The following TMX2 variants were observed in gnomAD, a reference collection of about 807,000 sequenced individuals.
TMX2 encodes the protein thioredoxin related transmembrane protein 2.
TMX2 carries 20 observed loss-of-function variants against 33.4 expected under a neutral mutation model. The observed-to-expected ratio is 0.60, with a 90% CI of 0.42 to 0.87. The LOEUF is 0.87. Among genes scored for constraint, TMX2 ranks in the 40% least tolerant of loss-of-function variants. The pLI, the probability that TMX2 is intolerant of heterozygous loss-of-function variation, is 0.00. For synonymous variants in TMX2, 166 were observed against 140.7 expected (o/e 1.18, Z -1.27); for missense variants, 340 against 370.7 (o/e 0.92, Z 0.68).
chr11:57,721,344 AGT>A (rs1491206360), intron 1 of TMX2, among the ~76,000 whole-genome samples: 3 of 133,252 alleles, frequency 2.3e-5, no homozygotes, highest in Non-Finnish European at 3.1e-5. Context: ...AAATAAATAA[AGT>A]TTTTTTTTTT....
chr11:57,733,502 C>T (rs1316209164), intron 1 of TMX2, among the ~76,000 whole-genome samples: 1 of 151,892 alleles, frequency 6.6e-6, no homozygotes, highest in Non-Finnish European at 1.5e-5. Context: ...GGTGATCCAC[C>T]CGCCTCGGCC....
chr11:57,735,334 G>A (rs1380218135), intron 1 of TMX2, among the ~76,000 whole-genome samples: 1 of 151,648 alleles, frequency 6.6e-6, no homozygotes, highest in Non-Finnish European at 1.5e-5. Flanking sequence ...TCAGCCTCCT[G>A]AGTAGCTTTG....
intron 1 of TMX2, among the ~76,000 whole-genome samples, chr11:57,735,211 C>A (rs1320046367): frequency 6.6e-6 from 1 of 151,630 alleles, no homozygotes; most frequent in South Asian, 2.1e-4. Context: ...CCCCTATTTT[C>A]TTTTCTTTTT....
chr11:57,737,516 C>G (rs137980850), intron 1 of TMX2, 92 bp from the exon 2 acceptor site: 60 of 1,023,734 alleles, frequency 5.9e-5, no homozygotes, highest in Non-Finnish European at 9.1e-5. Context: ...GTTTGGATCG[C>G]TATTGGTTTT....
intron 1 of TMX2, among the ~76,000 whole-genome samples, chr11:57,717,741 G>A (rs1947264724): frequency 8.9e-6 from 1 of 112,992 alleles, no homozygotes; most frequent in South Asian, 2.8e-4. Flanking sequence ...AGGGGAGAGG[G>A]GAGAGGGGAG....
At chr11:57,721,185 C>A (rs1947604452) in intron 1 of TMX2, among the ~76,000 whole-genome samples, 1 of 152,050 alleles carries the variant, frequency 6.6e-6, no homozygotes, top group Non-Finnish European at 1.5e-5. Context: ...GCCTGCAATC[C>A]CAGCTACCTG....
intron 1 of TMX2, among the ~76,000 whole-genome samples, chr11:57,716,702 C>T (rs1214552581): frequency 1.5e-4 from 22 of 146,272 alleles, no homozygotes; most frequent in Non-Finnish European, 3.0e-4. Context: ...GGCGGCAGGC[C>T]GGGTGGGGGG....
At chr11:57,721,417 C>G (rs555998975) in intron 1 of TMX2, among the ~76,000 whole-genome samples, 2 of 144,178 alleles carry the variant, frequency 1.4e-5, no homozygotes, top group African/African-American at 5.2e-5. Flanking sequence ...GGCTCAGTCT[C>G]GGCTCACCAC....
chr11:57,719,409 C>T (rs1373633343), intron 1 of TMX2, among the ~76,000 whole-genome samples: 2 of 151,310 alleles, frequency 1.3e-5, no homozygotes, highest in Admixed American at 1.3e-4. Context: ...TTTCAGTTCA[C>T]TGAAACCCCC....
intron 1 of TMX2, among the ~76,000 whole-genome samples, chr11:57,735,185 C>T (rs763909808): frequency 6.6e-6 from 1 of 151,858 alleles, no homozygotes; most frequent in Admixed American, 6.6e-5. Flanking sequence ...TTTACAAAGT[C>T]TGTCATGCTC....
At chr11:57,713,335 A>G (rs1329638719) in intron 1 of TMX2, among the ~76,000 whole-genome samples, 2 of 152,214 alleles carry the variant, frequency 1.3e-5, no homozygotes, top group African/African-American at 2.4e-5. Flanking sequence ...TCTTAATTCA[A>G]TAAACATTTC....
At chr11:57,721,100 G>A (rs188502974) in intron 1 of TMX2, among the ~76,000 whole-genome samples, 1 of 151,002 alleles carries the variant, frequency 6.6e-6, no homozygotes, top group Non-Finnish European at 1.5e-5. Flanking sequence ...TCAGGAGTTC[G>A]AGACCAGCCT....
At chr11:57,735,272 G>T (rs958420027) in intron 1 of TMX2, among the ~76,000 whole-genome samples, 1 of 149,892 alleles carries the variant, frequency 6.7e-6, no homozygotes, top group Admixed American at 6.7e-5. Context: ...GCAGTGGCAC[G>T]ATCTCGGCTC....
chr11:57,724,480 C>A (rs1368208223), intron 1 of TMX2, among the ~76,000 whole-genome samples: 1 of 152,046 alleles, frequency 6.6e-6, no homozygotes, highest in Non-Finnish European at 1.5e-5. Flanking sequence ...TACATGGGTG[C>A]CCTCCTACAG....
intron 7 of TMX2, 101 bp from the exon 8 acceptor site, chr11:57,739,998 C>T: frequency 6.5e-7 from 1 of 1,548,692 alleles, no homozygotes; most frequent in Non-Finnish European, 8.8e-7. Context: ...CCTTTGCTTA[C>T]TCCTTCCTTT....
intron 1 of TMX2, among the ~76,000 whole-genome samples, chr11:57,725,842 T>C (rs984624720): frequency 2.6e-5 from 4 of 152,176 alleles, no homozygotes; most frequent in African/African-American, 7.2e-5. Flanking sequence ...TAAACTATTA[T>C]GTGTTACTTC....
chr11:57,718,522 G>T, intron 1 of TMX2: 1 of 747,284 alleles, frequency 1.3e-6, no homozygotes, highest in Non-Finnish European at 2.4e-6. Context: ...AGAACACGGG[G>T]TTGACCATGG....
chr11:57,730,102 T>G (rs1948263871), intron 1 of TMX2, among the ~76,000 whole-genome samples: 1 of 142,336 alleles, frequency 7.0e-6, no homozygotes, highest in Non-Finnish European at 1.5e-5. Context: ...AGACTCCGTT[T>G]CCCCCCACAA....
At position 57,740,149 on chromosome 11, in the gene TMX2, G is replaced by T; in HGVS notation, c.795G>T (p.Lys265Asn). The T allele has an allele frequency of 6.2e-7, 1 of 1,613,988 alleles. No homozygotes were observed. The highest frequency in any genetic ancestry group is 2.2e-5 in the East Asian group (1 of 44,886). Reference sequence around the variant, plus strand: ...TAAATGAGCTATACCAGCGGGCCAAGAAACTATCAAAGGCTGGAGACAATA... The same window carrying T: ...TAAATGAGCTATACCAGCGGGCCAATAAACTATCAAAGGCTGGAGACAATA... ...FNLNELYQRAKKLSKAGDNIP... is the reference protein window; with the variant it reads ...FNLNELYQRANKLSKAGDNIP... Residue 265 changes from lysine (K) to asparagine (N), a missense_variant, in exon 8 of 8, where the codon AAG becomes AAT. Around this residue, in one of 3 missense-constraint regions of TMX2, gnomAD observed 209 missense variants for 241.6 expected, o/e 0.87. Coordinates refer to ENST00000278422, the MANE Select transcript of TMX2 (RefSeq NM_015959.4).
Sources: gnomAD v4.1 joint callset for allele counts (sites outside exome capture counted in the v4.1 genomes callset) on GRCh38, gnomAD v4.1.1 for gene constraint, gnomAD v4.1.1 regional missense constraint, MANE v1.5 for transcripts, NCBI Gene and HGNC (gene_info 2026-07-23, HGNC 2026-07-21) for gene names.